The following RNASE11 variants were observed in gnomAD, a reference collection of about 807,000 sequenced individuals.
RNASE11 encodes ribonuclease A family member 11 (inactive), also known as putative inactive ribonuclease 11.
For synonymous variants in RNASE11, 105 were observed against 86.1 expected, an observed-to-expected ratio of 1.22 and a Z score of -1.21; for missense variants, 252 against 237.8, an observed-to-expected ratio of 1.06 and a Z score of -0.39.
exon 2 of RNASE11, chr14:20,583,876 T>C: frequency 6.2e-7 from 1 of 1,603,578 alleles, no homozygotes; most frequent in Non-Finnish European, 8.5e-7. Context: ...CTGTGGGATT[T>C]ACAACTTAGA....
Position 20,583,567 on chromosome 14 carries a change from C to A in RNASE11, c.*308G>T, listed in dbSNP as rs2138881291. 1.7e-5 allele frequency: 5 copies of A among 288,582 alleles called. No homozygotes were observed. The South Asian group carries it at 3.6e-4, about 21-fold the overall frequency. 17.9% of individuals were successfully genotyped at this position (288,582 alleles called of 1,614,324 possible). A position where few individuals can be genotyped will look rare whatever the true frequency, so the allele number is the denominator to read the frequency against. ...TTTAGTCCTTGTTTCCTTAATTCTG[C>A]CTAGTTAGGTGGATTCTGTTTCTTG... is the stretch of plus-strand genomic sequence containing the variant. On this transcript the variant is annotated 3_prime_UTR_variant, in exon 2 of 2. Coordinates refer to ENST00000553849, the Ensembl canonical transcript of RNASE11.
chr14:20,585,944 A>G (rs189860894), intron 1 of RNASE11, among the ~76,000 whole-genome samples: 94 of 152,288 alleles, frequency 6.2e-4, no homozygotes, highest in African/African-American at 2.2e-3. Context: ...CTCTAAAGCC[A>G]CCATCCCTTC....
upstream of RNASE11, among the ~76,000 whole-genome samples, chr14:20,589,736 A>G (rs1884524175): frequency 6.6e-6 from 1 of 151,840 alleles, no homozygotes; most frequent in South Asian, 2.1e-4. Flanking sequence ...AAAATACAAA[A>G]ATCAGCCGGG....
upstream of RNASE11, among the ~76,000 whole-genome samples, chr14:20,589,750 G>A (rs985340024): frequency 6.6e-6 from 1 of 151,960 alleles, no homozygotes; most frequent in Non-Finnish European, 1.5e-5. Flanking sequence ...AGCCGGGCGC[G>A]GTGGCACATG....
chr14:20,584,675 CA>C (rs1420619054), intron 1 of RNASE11, among the ~76,000 whole-genome samples, 179 bp from the exon 3 acceptor site: 1 of 152,170 alleles, frequency 6.6e-6, no homozygotes, highest in African/African-American at 2.4e-5. Context: ...GACTCATGTT[CA>C]AATTCCTGCT....
At chr14:20,583,537 T>C (rs778592793), downstream of RNASE11, 5 of 247,420 alleles carry the variant, frequency 2.0e-5, no homozygotes, top group East Asian at 3.5e-4. Flanking sequence ...ATTGTCCATA[T>C]TGGCTTTAGT....
intron 1 of RNASE11, among the ~76,000 whole-genome samples, chr14:20,585,455 G>A (rs553878369): frequency 9.2e-5 from 14 of 151,934 alleles, no homozygotes; most frequent in Non-Finnish European, 5.9e-5. Flanking sequence ...AAAATTCCTC[G>A]AGCCTGAAAC....
At chr14:20,584,034 G>A in exon 2 of RNASE11, 1 of 1,614,202 alleles carries the variant, frequency 6.2e-7, no homozygotes, top group Non-Finnish European at 8.5e-7. Flanking sequence ...GGCTCTCACA[G>A]CAGCTTATGC....
chr14:20,583,533 C>A, downstream of RNASE11: 1 of 235,116 alleles, frequency 4.3e-6, no homozygotes. Flanking sequence ...TTTCATTGTC[C>A]ATATTGGCTT....
rs758249529 is a variant in RNASE11 at position 20,584,500 on chromosome 14, C to A, written c.-22-4G>T. On this transcript the variant is annotated splice_region_variant and splice_polypyrimidine_tract_variant and intron_variant, in intron 1 of 1. Coordinates refer to ENST00000553849, the Ensembl canonical transcript of RNASE11. Reference sequence around the variant, plus strand: ...CTCAGATGTAGTGTAATCTCTTCTGCAGTAAAGACAATAAATGAAAGATAA... The same window carrying A: ...CTCAGATGTAGTGTAATCTCTTCTGAAGTAAAGACAATAAATGAAAGATAA... 4 of 1,533,462 alleles carry A rather than the reference C, an allele frequency of 2.6e-6. No individual in the cohort carries two copies. The highest frequency in any genetic ancestry group is 2.6e-6 in the Non-Finnish European group (3 of 1,145,540). 95.0% of individuals were successfully genotyped at this position (1,533,462 alleles called of 1,614,324 possible). A position where few individuals can be genotyped will look rare whatever the true frequency, so the allele number is the denominator to read the frequency against.
intron 1 of RNASE11, among the ~76,000 whole-genome samples, chr14:20,584,871 T>C (rs1884403307): frequency 6.6e-6 from 1 of 152,204 alleles, no homozygotes; most frequent in Admixed American, 6.5e-5. Flanking sequence ...CGATTCTCAC[T>C]CAACACATTC....
At chr14:20,586,835 C>G (rs1884444206) in intron 1 of RNASE11, among the ~76,000 whole-genome samples, 2 of 152,308 alleles carry the variant, frequency 1.3e-5, no homozygotes, top group South Asian at 4.1e-4. Flanking sequence ...TTATTTGAAA[C>G]TGCTAAGAGG....
upstream of RNASE11, among the ~76,000 whole-genome samples, chr14:20,589,294 G>A (rs1261991456): frequency 1.1e-3 from 160 of 147,030 alleles, no homozygotes; most frequent in Non-Finnish European, 3.4e-4. Context: ...TCACTCTGCC[G>A]CCCCGGCTGG....
intron 1 of RNASE11, among the ~76,000 whole-genome samples, chr14:20,587,344 T>C (rs1400648824): frequency 6.6e-6 from 1 of 152,192 alleles, no homozygotes; most frequent in East Asian, 1.9e-4. Context: ...ATCTGCAAGA[T>C]ATTTTTAATT....
chr14:20,585,003 C>T (rs1390420123), intron 1 of RNASE11: 16 of 895,756 alleles, frequency 1.8e-5, no homozygotes, highest in Non-Finnish European at 2.0e-5. Context: ...CACCCATTCT[C>T]ATTCATAAGA....
intron 1 of RNASE11, among the ~76,000 whole-genome samples, chr14:20,586,984 T>TACA (rs924816887): frequency 7.0e-4 from 107 of 152,168 alleles, no homozygotes; most frequent in African/African-American, 2.4e-3. Flanking sequence ...AATCCATCTC[T>TACA]ACAACAACAA....
At chr14:20,587,624 T>C (rs1411881411) in exon 1 of RNASE11, 3 of 985,186 alleles carry the variant, frequency 3.0e-6, no homozygotes, top group Admixed American at 6.2e-5. Flanking sequence ...ACACCCAAAA[T>C]TCTATGGAGA....
exon 2 of RNASE11, chr14:20,583,832 G>T (rs199572455): frequency 2.6e-6 from 4 of 1,534,326 alleles, no homozygotes; most frequent in African/African-American, 2.8e-5. Flanking sequence ...AACAAGAAGA[G>T]GTCCTTCTTT....
chr14:20,584,118 G>A (rs146646240), exon 2 of RNASE11: 622 of 1,614,056 alleles, frequency 3.9e-4, no homozygotes, highest in Non-Finnish European at 4.9e-4. Flanking sequence ...TGCGGATGAA[G>A]TTATTGCTCC....
Sources: gnomAD v4.1 joint callset for allele counts (sites outside exome capture counted in the v4.1 genomes callset) on GRCh38, gnomAD v4.1.1 for gene constraint, MANE v1.5 for transcripts, NCBI Gene and HGNC (gene_info 2026-07-23, HGNC 2026-07-21) for gene names.